The following SYTL2 variants were observed in gnomAD, a reference collection of about 807,000 sequenced individuals.
SYTL2 encodes synaptotagmin-like protein 2.
A neutral mutation model predicts 198.7 loss-of-function variants in SYTL2; 165 were observed. That is an observed-to-expected ratio of 0.83 (90% CI 0.73 to 0.94). The LOEUF (loss-of-function observed/expected upper bound fraction) is 0.94, where lower values mean the gene tolerates loss of function less well. Among genes scored for constraint, SYTL2 ranks in the 40% least tolerant of loss-of-function variants. SYTL2 has a pLI of 0.00. For synonymous variants in SYTL2, 966 were observed against 917.7 expected, an observed-to-expected ratio of 1.05 and a Z score of -0.95; for missense variants, 2,835 against 2,582.8, an observed-to-expected ratio of 1.10 and a Z score of -2.12.
chr11:85,710,692 C>A (rs2086098221), intron 13 of SYTL2, among the ~76,000 whole-genome samples: 1 of 152,140 alleles, frequency 6.6e-6, no homozygotes, highest in Non-Finnish European at 1.5e-5. Flanking sequence ...AATTACCTCT[C>A]ATATTCTTTC....
chr11:85,732,774 T>A (rs1449357974), intron 7 of SYTL2, among the ~76,000 whole-genome samples: 1 of 152,174 alleles, frequency 6.6e-6, no homozygotes, highest in Non-Finnish European at 1.5e-5. Context: ...AAAAGCAAAC[T>A]TGATTGTTGC....
chr11:85,757,276 T>TA (rs1406559436), intron 2 of SYTL2, among the ~76,000 whole-genome samples: 4 of 151,942 alleles, frequency 2.6e-5, no homozygotes, highest in African/African-American at 4.8e-5. Context: ...ATGATTCAGT[T>TA]AAAAAAAAGT....
intron 1 of SYTL2, among the ~76,000 whole-genome samples, chr11:85,795,440 C>G (rs931777119): frequency 6.6e-6 from 1 of 152,194 alleles, no homozygotes; most frequent in African/African-American, 2.4e-5. Context: ...CTGAGTTGCA[C>G]TCATTTAACA....
At chr11:85,765,647 A>G (rs1043383597) in intron 1 of SYTL2, among the ~76,000 whole-genome samples, 3 of 152,288 alleles carry the variant, frequency 2.0e-5, no homozygotes, top group Admixed American at 2.0e-4. Context: ...TTTCTACTTC[A>G]TTCATCTCCT....
intron 1 of SYTL2, among the ~76,000 whole-genome samples, chr11:85,781,158 G>T (rs190797929): frequency 1.4e-4 from 22 of 152,278 alleles, no homozygotes; most frequent in Admixed American, 1.2e-3. Context: ...CAGCATGGCT[G>T]GGGAGGCCTC....
intron 4 of SYTL2, among the ~76,000 whole-genome samples, chr11:85,740,897 T>C (rs1035547304): frequency 2.0e-5 from 3 of 152,192 alleles, no homozygotes; most frequent in Non-Finnish European, 4.4e-5. Context: ...GAAGGGCCAC[T>C]GGGGGAAGAG....
the SYTL2 span, among the ~76,000 whole-genome samples, chr11:85,825,828 T>C: frequency 6.6e-6 from 1 of 152,250 alleles, no homozygotes. Context: ...TCTAAGACTG[T>C]TTCCTTATGT....
At chr11:85,834,336 T>G in the SYTL2 span, among the ~76,000 whole-genome samples, 5 of 152,176 alleles carry the variant, frequency 3.3e-5, no homozygotes, top group Admixed American at 3.3e-4. Flanking sequence ...CTATTTACCT[T>G]GTTTCTTATT....
chr11:85,814,051 G>C (rs972621853), upstream of SYTL2, among the ~76,000 whole-genome samples: 2 of 152,180 alleles, frequency 1.3e-5, no homozygotes, highest in Non-Finnish European at 2.9e-5. Context: ...CTATAAAATA[G>C]AAGTAGTCAT....
Position 85,714,387 on chromosome 11 carries a change from TC to T in SYTL2, c.5625+25del, listed in dbSNP as rs760002548. ...AATTCCAACCCTCTGTCTCCATTTT[TC>T]TGAAGGTACAAAAGACAAACTTGCC... is the stretch of plus-strand genomic sequence containing the variant. On this transcript the variant is annotated intron_variant, in intron 12 of 19. Coordinates refer to ENST00000359152, the MANE Select transcript of SYTL2 (RefSeq NM_206927.4). 2.6e-5 allele frequency: 40 copies of T among 1,564,540 alleles called. No individual in the cohort carries two copies. The South Asian group carries it at 4.3e-4, about 17-fold the overall frequency.
In SYTL2 at chr11:85,729,181, C is replaced by T. The variant is rs181137598; in HGVS notation, c.1391-1214G>A. 2.7e-4 allele frequency among the ~76,000 whole-genome samples: 41 copies of T among 152,262 alleles called. 1 individual carries two copies. The highest frequency in any genetic ancestry group is 8.7e-4 in the African/African-American group (36 of 41,558). ...CCACTGTCAATATTACACAGATCAACGATACAGAAAATTAACAAGGATATT... is the reference window on the plus strand; with the variant it reads ...CCACTGTCAATATTACACAGATCAATGATACAGAAAATTAACAAGGATATT... On this transcript the variant is annotated intron_variant, in intron 7 of 19. Transcript: ENST00000359152.
the SYTL2 span, among the ~76,000 whole-genome samples, chr11:85,824,315 C>CT: frequency 6.6e-6 from 1 of 151,988 alleles, no homozygotes; most frequent in African/African-American, 2.4e-5. Context: ...ATGGGTATTA[C>CT]TGACTGTTGG....
At chr11:85,751,443 G>A (rs548402232) in intron 2 of SYTL2, among the ~76,000 whole-genome samples, 4 of 151,956 alleles carry the variant, frequency 2.6e-5, no homozygotes, top group East Asian at 1.9e-4. Context: ...TCTAATTATC[G>A]TACCATCTAG....
chr11:85,850,868 C>A, the SYTL2 span, among the ~76,000 whole-genome samples: 6 of 150,114 alleles, frequency 4.0e-5, no homozygotes, highest in South Asian at 1.1e-3. Context: ...GAGTTCATGT[C>A]CTTTGTAGGG....
intron 1 of SYTL2, among the ~76,000 whole-genome samples, chr11:85,774,918 T>G (rs529207669): frequency 1.3e-5 from 2 of 152,208 alleles, no homozygotes; most frequent in South Asian, 4.1e-4. Context: ...AAACTCTTTG[T>G]TTCACTCACC....
the SYTL2 span, among the ~76,000 whole-genome samples, chr11:85,851,426 C>T: frequency 5.9e-5 from 9 of 152,190 alleles, no homozygotes; most frequent in African/African-American, 2.2e-4. Context: ...TAATAAGACC[C>T]TGCAGTTGTT....
chr11:85,805,779 A>T (rs1592091334), intron 1 of SYTL2, among the ~76,000 whole-genome samples: 1 of 152,212 alleles, frequency 6.6e-6, no homozygotes, highest in East Asian at 1.9e-4. Context: ...TCTAACTCAG[A>T]AGGCAAATAC....
At chr11:85,779,048 ATATAT>A (rs1445553333) in intron 1 of SYTL2, among the ~76,000 whole-genome samples, 2 of 152,070 alleles carry the variant, frequency 1.3e-5, no homozygotes, top group African/African-American at 4.8e-5. Flanking sequence ...ACTATACTAT[ATATAT>A]TATATAACAT....
In SYTL2 at chr11:85,725,785, A is replaced by C. The variant is rs537456169; in HGVS notation, c.3573T>G (p.Ile1191Met). 1.9e-6 allele frequency: 3 copies of C among 1,614,156 alleles called. No homozygotes were observed. Among genetic ancestry groups the C allele is most frequent in the Middle Eastern group, 1.6e-4 (1 of 6,062 alleles). The change falls in exon 8 of 20, where the codon ATT (isoleucine) becomes ATG (methionine). Residue 1191 changes from isoleucine (I) to methionine (M), a missense_variant. Around this residue, in one of 3 missense-constraint regions of SYTL2, gnomAD observed 2,645 missense variants for 2,381.7 expected, o/e 1.11. Coordinates refer to ENST00000359152, the MANE Select transcript of SYTL2 (RefSeq NM_206927.4). ...CTACTGTTTTGTCAACATGCTCATT[A>C]ATGATCTTCTCAGGTCCTTTGACTT... ...EEEVKGPEKI[I>M]NEHVDKTVVH...
Sources: allele counts gnomAD v4.1 joint callset (sites outside exome capture counted in the v4.1 genomes callset), GRCh38; gene constraint gnomAD v4.1.1; regional missense constraint gnomAD v4.1.1; transcripts MANE v1.5; gene names NCBI Gene and HGNC (gene_info 2026-07-23, HGNC 2026-07-21).